Variants in LRRC24 observed in about 807,000 individuals in gnomAD.
LRRC24 encodes the protein leucine rich repeat containing 24, also known as leucine-rich repeat-containing protein 24.
LRRC24 carries 19 observed loss-of-function variants against 15.3 expected under a neutral mutation model. The observed-to-expected ratio is 1.25, with a 90% CI of 0.87 to 1.83. The LOEUF (loss-of-function observed/expected upper bound fraction) is 1.83. Ranked by LOEUF, LRRC24 falls within the 40% of genes most tolerant of loss-of-function variation. The probability of loss-of-function intolerance (pLI) is 0.00; values close to 1 mark genes in which losing one functional copy is unlikely to be tolerated. For missense variants in LRRC24, 914 were observed against 723.9 expected, an observed-to-expected ratio of 1.26 and a Z score of -3.01; for synonymous variants, 469 against 359.6, an observed-to-expected ratio of 1.30 and a Z score of -3.44.
Position 144,522,870 on chromosome 8 carries a change from C to G in LRRC24, c.1147G>C (p.Ala383Pro). 1.6e-6 allele frequency: 2 copies of G among 1,264,266 alleles called. No homozygotes were observed. Among genetic ancestry groups the G allele is most frequent in the Non-Finnish European group, 2.0e-6 (2 of 1,011,618 alleles). 78.3% of individuals were successfully genotyped at this position (1,264,266 alleles called of 1,614,324 possible). The change falls in exon 5 of 5, where the codon GCC (alanine) becomes CCC (proline). Residue 383 changes from alanine (A) to proline (P), a missense_variant. Ala to Pro is a conservative substitution (Grantham distance 27). Coordinates refer to ENST00000529415, the MANE Select transcript of LRRC24 (RefSeq NM_001024678.4). ...GCCTCGGGCCGGGGCTCGCTGCCGG[C>G]GGGGCGGGCGGCCGGAGGCGGCGGT... ...AQPPPPAARP[A>P]GSEPRPEAGS...
At chr8:144,523,498 T>C in intron 4 of LRRC24, 89 bp from the exon 5 acceptor site, 1 of 1,443,036 alleles carries the variant, frequency 6.9e-7, no homozygotes, top group Non-Finnish European at 9.0e-7. Flanking sequence ...GACAGAGGCC[T>C]CTTTCCCACC....
chr8:144,526,219 T>C (rs1290427131), intron 1 of LRRC24: 1 of 152,238 alleles, frequency 6.6e-6, no homozygotes, highest in Non-Finnish European at 1.5e-5. Context: ...TAGAAATAAG[T>C]AAGCACAGCA....
At chr8:144,523,564 A>C (rs1816220947) in intron 4 of LRRC24, 155 bp from the exon 5 acceptor site, 1 of 1,244,352 alleles carries the variant, frequency 8.0e-7, no homozygotes, top group East Asian at 3.0e-5. Context: ...CTTGACCCCA[A>C]GCTCCTTGGG....
In LRRC24 at chr8:144,524,568, G is replaced by C; in HGVS notation, c.311C>G (p.Ala104Gly). The change falls in exon 3 of 5, where the codon GCG becomes GGG. Residue 104 changes from alanine (A) to glycine (G), a missense_variant. Transcript: ENST00000529415. ...FRAQPRLLEL[A>G]LTSNRLRGLR... ...GCCGCGCAGCCGGTTGCTAGTGAGC[G>C]CCAGCTCCAGCAGGCGCGGCTGCGC... 6.4e-7 allele frequency: 1 copy of C among 1,560,718 alleles called. No individual in the cohort carries two copies. The highest frequency in any genetic ancestry group is 8.6e-7 in the Non-Finnish European group (1 of 1,162,120).
In LRRC24 at chr8:144,523,165, G is replaced by T; in HGVS notation, c.852C>A (p.Ser284=). The T allele has an allele frequency of 1.2e-6, 2 of 1,610,534 alleles. No homozygotes were observed. The highest frequency in any genetic ancestry group is 1.7e-6 in the Non-Finnish European group (2 of 1,179,130). ...GEDLRVACQA[S]GYPQPLVTWR... The stretch of plus-strand genomic sequence containing the variant: ...AGGTCACCAATGGCTGCGGGTAGCC[G>T]GAGGCTTGGCAGGCAACCCGCAGGT... The change falls in exon 5 of 5, where the codon TCC becomes TCA. Residue 284 remains serine (S), a synonymous_variant. Coordinates refer to ENST00000529415, the MANE Select transcript of LRRC24 (RefSeq NM_001024678.4).
intron 1 of LRRC24, chr8:144,526,117 C>T (rs1433246918): frequency 6.6e-6 from 1 of 152,226 alleles, no homozygotes; most frequent in Non-Finnish European, 1.5e-5. Flanking sequence ...AGCTCTTCCT[C>T]CTTTCGAGTC....
Position 144,524,540 on chromosome 8 carries a change from C to T in LRRC24, c.339G>A (p.Leu113=). The T allele has an allele frequency of 6.3e-7, 1 of 1,582,518 alleles. No individual in the cohort carries two copies. Among genetic ancestry groups the T allele is most frequent in the Non-Finnish European group, 8.5e-7 (1 of 1,173,240 alleles). The stretch of plus-strand genomic sequence containing the variant: ...CCAGGCCTACGAAGGCGCCGCTGCG[C>T]AAGCCGCGCAGCCGGTTGCTAGTGA... The part of the protein sequence containing the change: ...LALTSNRLRG[L]RSGAFVGLAQ... The change falls in exon 3 of 5, where the codon TTG becomes TTA. Residue 113 remains leucine, a synonymous_variant. Transcript: ENST00000529415.
rs573124395 is a variant in LRRC24 at position 144,524,968 on chromosome 8, G to A, written c.7C>T (p.Leu3=). The change falls in exon 2 of 5, where the codon CTG becomes TTG. Residue 3 remains leucine, a synonymous_variant. Coordinates refer to ENST00000529415, the MANE Select transcript of LRRC24 (RefSeq NM_001024678.4). MA[L]RAPALLPLLL... ...AGCGGCAGCAGTGCGGGGGCCCTCAGGGCCATCTCCCGAGGCCCGGTTCCT... is the reference window on the plus strand; with the variant it reads ...AGCGGCAGCAGTGCGGGGGCCCTCAAGGCCATCTCCCGAGGCCCGGTTCCT... 76 of 1,467,166 alleles carry A rather than the reference G, an allele frequency of 5.2e-5. No homozygotes were observed. In the South Asian group the frequency reaches 9.2e-4, roughly 18 times the overall value. 90.9% of individuals were successfully genotyped at this position (1,467,166 alleles called of 1,614,324 possible).
At chr8:144,524,080 A>G in intron 4 of LRRC24, 30 bp downstream of exon 4, 1 of 1,589,096 alleles carries the variant, frequency 6.3e-7, no homozygotes, top group Non-Finnish European at 8.6e-7. Flanking sequence ...ACCGTGGCCC[A>G]GACAGAGACG....
At position 144,524,289 on chromosome 8, in the gene LRRC24, G is replaced by T; in HGVS notation, c.439-11C>A. The T allele has an allele frequency of 6.2e-7, 1 of 1,610,570 alleles. No homozygotes were observed. Among genetic ancestry groups the T allele is most frequent in the South Asian group, 1.1e-5 (1 of 91,082 alleles). ...AAGCTCCTGCAGTCGCTGAAGTAAG[G>T]ACAGCAGATCGTGAGGAAAAAGGGC... On this transcript the variant is annotated splice_polypyrimidine_tract_variant and intron_variant, in intron 3 of 4. Transcript: ENST00000529415.
chr8:144,524,129 C>A lies in LRRC24; in HGVS notation c.588G>T (p.Leu196=). 1.2e-6 allele frequency: 2 copies of A among 1,603,784 alleles called. No homozygotes were observed. Among genetic ancestry groups the A allele is most frequent in the Non-Finnish European group, 1.7e-6 (2 of 1,173,242 alleles). ...SREALQPLAS[L]QVLRLTENPW... The stretch of plus-strand genomic sequence containing the variant: ...AGGTACCTGTGAGGCGCAGGACTTG[C>A]AGACTGGCCAGGGGCTGCAGGGCCT... The change falls in exon 4 of 5, where the codon CTG becomes CTT. Residue 196 remains leucine, a synonymous_variant. Coordinates refer to ENST00000529415, the MANE Select transcript of LRRC24 (RefSeq NM_001024678.4).
chr8:144,522,792 C>G lies in LRRC24; in HGVS notation c.1225G>C (p.Ala409Pro). The change falls in exon 5 of 5, where the codon GCG becomes CCG. Residue 409 changes from alanine (A) to proline (P), a missense_variant. Coordinates refer to ENST00000529415, the MANE Select transcript of LRRC24 (RefSeq NM_001024678.4). ...LGVATQTAIA[A>P]AIALLALTAL... ...GTGAGCGCCAGCAGCGCGATGGCCG[C>G]CGCAATGGCCGTCTGTGTGGCCACG... 6.5e-7 allele frequency: 1 copy of G among 1,546,138 alleles called. No individual in the cohort carries two copies. The highest frequency in any genetic ancestry group is 8.7e-7 in the Non-Finnish European group (1 of 1,150,730).
At chr8:144,523,738 C>A in intron 4 of LRRC24, 1 of 418,914 alleles carries the variant, frequency 2.4e-6, no homozygotes, top group Admixed American at 4.0e-5. Flanking sequence ...GACATCTCAC[C>A]AGCACTGAAA....
chr8:144,522,436 C>T lies in LRRC24; in HGVS notation c.*39G>A. 14 of 1,386,860 alleles carry T rather than the reference C, an allele frequency of 1.0e-5. No homozygotes were observed. The highest frequency in any genetic ancestry group is 1.3e-5 in the Non-Finnish European group (14 of 1,078,778). 85.9% of individuals were successfully genotyped at this position (1,386,860 alleles called of 1,614,324 possible). On this transcript the variant is annotated 3_prime_UTR_variant, in exon 5 of 5. Transcript: ENST00000529415. ...CGGAGCATGCGCGAGGCCGCACCGG[C>T]CAATCTCCGGCGCCCACGTCATCCG...
At position 144,522,456 on chromosome 8, in the gene LRRC24, CA is replaced by C; in HGVS notation, c.*18del. ...ACCGGCCAATCTCCGGCGCCCACGT[CA>C]TCCGCGCGCCCGCGGCCCTAGCAGT... On this transcript the variant is annotated 3_prime_UTR_variant, in exon 5 of 5. Coordinates refer to ENST00000529415, the MANE Select transcript of LRRC24 (RefSeq NM_001024678.4). 1.4e-6 allele frequency: 2 copies of C among 1,401,288 alleles called. No homozygotes were observed. Among genetic ancestry groups the C allele is most frequent in the Non-Finnish European group, 1.8e-6 (2 of 1,086,418 alleles). 86.8% of individuals were successfully genotyped at this position (1,401,288 alleles called of 1,614,324 possible).
chr8:144,523,640 C>T (rs1341580154), intron 4 of LRRC24: 1 of 539,052 alleles, frequency 1.9e-6, no homozygotes, highest in Non-Finnish European at 3.0e-6. Context: ...TTACAGATCA[C>T]TTCTCCGTCG....
In LRRC24 at chr8:144,524,269, C is replaced by T; in HGVS notation, c.448G>A (p.Glu150Lys). 2 of 1,611,976 alleles carry T rather than the reference C, an allele frequency of 1.2e-6. No homozygotes were observed. The highest frequency in any genetic ancestry group is 1.7e-6 in the Non-Finnish European group (2 of 1,179,924). The change falls in exon 4 of 5, where the codon GAG becomes AAG. Residue 150 changes from glutamate to lysine, a missense_variant. By Grantham distance (56) the Glu-to-Lys change is moderately conservative. Coordinates refer to ENST00000529415, the MANE Select transcript of LRRC24 (RefSeq NM_001024678.4). ...FTFLHLPRLQ[E>K]LHLQENSIEL... ...ATGCTGTTTTCTTGCAGGTGAAGCTCCTGCAGTCGCTGAAGTAAGGACAGC... is the reference window on the plus strand; with the variant it reads ...ATGCTGTTTTCTTGCAGGTGAAGCTTCTGCAGTCGCTGAAGTAAGGACAGC...
chr8:144,524,417 C>A, intron 3 of LRRC24, 24 bp downstream of exon 3: 1 of 1,596,632 alleles, frequency 6.3e-7, no homozygotes, highest in African/African-American at 1.3e-5. Flanking sequence ...GAGTATCCCG[C>A]CCCTTTAGAC....
Position 144,527,003 on chromosome 8 carries a change from G to T in LRRC24, c.-103C>A, listed in dbSNP as rs1816387704. 6.5e-6 allele frequency: 1 copy of T among 153,070 alleles called. No homozygotes were observed. The highest frequency in any genetic ancestry group is 2.5e-5 in the African/African-American group (1 of 40,758). 9.5% of individuals were successfully genotyped at this position (153,070 alleles called of 1,614,324 possible). ...GCGGCTCCCCCGCCGTGCAGGTGGC[G>T]GCCGGGCCCGAGCAGTCGCCGGGCT... On this transcript the variant is annotated 5_prime_UTR_variant, in exon 1 of 5. Transcript: ENST00000529415.
Sources: gnomAD v4.1 joint callset for allele counts on GRCh38, gnomAD v4.1.1 for gene constraint, MANE v1.5 for transcripts, NCBI Gene and HGNC (gene_info 2026-07-23, HGNC 2026-07-21) for gene names.